Variants in MYZAP observed in about 807,000 individuals in gnomAD.
The protein encoded by MYZAP is GRINL1A complex locus upstream.
MYZAP carries 66 observed loss-of-function variants against 69.4 expected under a neutral mutation model. That is an observed-to-expected ratio of 0.95 (90% confidence interval 0.78 to 1.17). The LOEUF (loss-of-function observed/expected upper bound fraction) is 1.17. Ranked by LOEUF, MYZAP falls within the 50% of genes most tolerant of loss-of-function variation. The pLI, the probability that MYZAP is intolerant of heterozygous loss-of-function variation, is 0.00. For missense variants in MYZAP, 611 were observed against 556.2 expected (o/e 1.10, Z -0.99); for synonymous variants, 256 against 205.9 (o/e 1.24, Z -2.09).
chr15:57,610,769 A>G (rs2035055541), intron 2 of MYZAP, among the ~76,000 whole-genome samples: 1 of 151,904 alleles, frequency 6.6e-6, no homozygotes, highest in East Asian at 1.9e-4. Context: ...CAGGCCCCCA[A>G]CTCTTCACCC....
chr15:57,600,271 G>C lies in MYZAP; in HGVS notation c.76-3998G>C, dbSNP rs751346718. 2.6e-5 allele frequency among the ~76,000 whole-genome samples: 4 copies of C among 152,306 alleles called. No homozygotes were observed. The Middle Eastern group carries it at 0.01, about 389-fold the overall frequency. Reference sequence around the variant, plus strand: ...GTCAGTGTTTATTAAAGAAAAACTAGCTTTGCTCCTTAATGTTTTGATCAA... The same window carrying C: ...GTCAGTGTTTATTAAAGAAAAACTACCTTTGCTCCTTAATGTTTTGATCAA... On this transcript the variant is annotated intron_variant, in intron 1 of 12. Transcript: ENST00000267853.
chr15:57,650,731 TA>T (rs1311854264), intron 10 of MYZAP, among the ~76,000 whole-genome samples: 1 of 152,158 alleles, frequency 6.6e-6, no homozygotes, highest in Non-Finnish European at 1.5e-5. Context: ...GGAGAGTCTT[TA>T]GGGAGGAGGT....
intron 11 of MYZAP, among the ~76,000 whole-genome samples, chr15:57,670,891 A>T (rs1490474341): frequency 2.0e-5 from 3 of 151,946 alleles, no homozygotes; most frequent in Non-Finnish European, 4.4e-5. Flanking sequence ...ATATACGTTC[A>T]TTTACCGCTG....
At chr15:57,673,463 CGTGTGTGTGTGTGTGTGTGTGTGTGTGT>C (rs3051249) in intron 11 of MYZAP, among the ~76,000 whole-genome samples, 5 of 102,664 alleles carry the variant, frequency 4.9e-5, no homozygotes, top group South Asian at 8.4e-4. Flanking sequence ...TGCGTGCATG[CGTGTGTGTGTGTGTGTGTGTGTGTGTGT>C]GTGTGTGTGT....
chr15:57,673,119 C>T (rs1220229457), intron 11 of MYZAP, among the ~76,000 whole-genome samples: 1 of 152,114 alleles, frequency 6.6e-6, no homozygotes, highest in Non-Finnish European at 1.5e-5. Flanking sequence ...ATTTCTGTTT[C>T]TATGGGTGTC....
intron 11 of MYZAP, among the ~76,000 whole-genome samples, chr15:57,670,008 A>C (rs1213133148): frequency 6.6e-6 from 1 of 152,146 alleles, no homozygotes; most frequent in Non-Finnish European, 1.5e-5. Context: ...GTATGGTTTT[A>C]ACTTTTAATT....
At chr15:57,596,662 A>C (rs1347849073) in intron 1 of MYZAP, among the ~76,000 whole-genome samples, 1 of 152,192 alleles carries the variant, frequency 6.6e-6, no homozygotes. Context: ...GCCAGGAAAA[A>C]GTTCACACTC....
intron 9 of MYZAP, 81 bp downstream of exon 9, chr15:57,637,855 A>G (rs2036906692): frequency 1.4e-6 from 2 of 1,401,946 alleles, no homozygotes; most frequent in African/African-American, 1.4e-5. Flanking sequence ...TGACCCTTAC[A>G]TTTTCATTTG....
At chr15:57,676,314 T>C (rs1223371974) in intron 12 of MYZAP, among the ~76,000 whole-genome samples, 1 of 151,516 alleles carries the variant, frequency 6.6e-6, no homozygotes, top group African/African-American at 2.4e-5. Flanking sequence ...GGTTCTTTCT[T>C]TGACAGTGTC....
intron 1 of MYZAP, among the ~76,000 whole-genome samples, chr15:57,596,760 G>A (rs1001454930): frequency 3.3e-5 from 5 of 152,078 alleles, no homozygotes; most frequent in African/African-American, 9.7e-5. Context: ...ATTCCAAATC[G>A]TTTGCCATTT....
chr15:57,644,564 A>C (rs2037341747), intron 10 of MYZAP, among the ~76,000 whole-genome samples: 1 of 151,708 alleles, frequency 6.6e-6, no homozygotes, highest in Non-Finnish European at 1.5e-5. Context: ...TCCCCACTCA[A>C]CCTCCCAAGT....
chr15:57,601,530 T>C (rs767179710), intron 1 of MYZAP, among the ~76,000 whole-genome samples: 2 of 152,084 alleles, frequency 1.3e-5, no homozygotes, highest in Non-Finnish European at 2.9e-5. Context: ...AGATCAGTGT[T>C]GTTGCCCACC....
At chr15:57,673,376 TA>T in intron 11 of MYZAP, among the ~76,000 whole-genome samples, 1 of 152,272 alleles carries the variant, frequency 6.6e-6, no homozygotes, top group Non-Finnish European at 1.5e-5. Flanking sequence ...TCTTTTTTTA[TA>T]AATTGGAGAG....
intron 6 of MYZAP, among the ~76,000 whole-genome samples, chr15:57,631,154 A>G (rs2036481554): frequency 1.3e-5 from 2 of 149,308 alleles, no homozygotes; most frequent in Non-Finnish European, 1.5e-5. Context: ...TGTTGCTAAA[A>G]AAGCCTGAAA....
intron 10 of MYZAP, among the ~76,000 whole-genome samples, chr15:57,651,327 TTCA>T: frequency 6.6e-6 from 1 of 152,184 alleles, no homozygotes; most frequent in East Asian, 1.9e-4. Context: ...TGAAACTGAA[TTCA>T]TCGAGAAAAG....
chr15:57,661,420 A>T (rs749852689), intron 10 of MYZAP, 30 bp from the exon 11 acceptor site: 2 of 1,540,724 alleles, frequency 1.3e-6, no homozygotes, highest in Non-Finnish European at 1.8e-6. Context: ...TACATTTTTG[A>T]TTAACAATTT....
At chr15:57,646,237 G>T (rs1225201169) in intron 10 of MYZAP, 20 of 1,288,896 alleles carry the variant, frequency 1.6e-5, no homozygotes, top group Non-Finnish European at 1.9e-5. Context: ...TTTATTGTTC[G>T]TGATTAGAAG....
chr15:57,683,712 A>G (rs1412004919), intron 12 of MYZAP, among the ~76,000 whole-genome samples: 1 of 152,280 alleles, frequency 6.6e-6, no homozygotes, highest in Non-Finnish European at 1.5e-5. Flanking sequence ...GTGTTTGGCA[A>G]GGACTTGCTT....
chr15:57,607,236 C>T (rs1247911075), intron 2 of MYZAP, among the ~76,000 whole-genome samples: 1 of 152,170 alleles, frequency 6.6e-6, no homozygotes, highest in Non-Finnish European at 1.5e-5. Flanking sequence ...TAGACCCAAG[C>T]TTCATGCCTT....
Sources: gnomAD v4.1 joint callset for allele counts (sites outside exome capture counted in the v4.1 genomes callset) on GRCh38, gnomAD v4.1.1 for gene constraint, MANE v1.5 for transcripts, NCBI Gene and HGNC (gene_info 2026-07-23, HGNC 2026-07-21) for gene names.